Variants in PTPRQ observed in about 807,000 individuals in gnomAD.
The protein encoded by PTPRQ is protein tyrosine phosphatase receptor type Q.
PTPRQ carries 199 observed loss-of-function variants against 246.0 expected under a neutral mutation model. The observed-to-expected ratio is 0.81, with a 90% CI of 0.72 to 0.91. The LOEUF is 0.91. Ranked by LOEUF, PTPRQ falls within the 40% of genes least tolerant of loss-of-function variation. The pLI, the probability that PTPRQ is intolerant of heterozygous loss-of-function variation, is 0.00. For synonymous variants in PTPRQ, 869 were observed against 853.2 expected (o/e 1.02, Z -0.32); for missense variants, 2,624 against 2,528.4 (o/e 1.04, Z -0.81).
chr12:80,616,096 A>C lies in PTPRQ; in HGVS notation c.5164-104A>C, dbSNP rs35026481. 9 of 567,198 alleles carry C rather than the reference A, an allele frequency of 1.6e-5. No homozygotes were observed. In the African/African-American group the frequency reaches 1.9e-4, roughly 12 times the overall value. The allele number at this position is 567,198 out of a possible 1,614,324, so 35.1% of individuals were successfully genotyped here. A position where few individuals can be genotyped will look rare whatever the true frequency, so the allele number is the denominator to read the frequency against. On this transcript the variant is annotated intron_variant, in intron 29 of 44. Transcript: ENST00000644991. ...AATCAGTTTTATATATATATATATA[A>C]CTATATATATACATACATATATAGA...
At chr12:80,501,510 G>T (rs1173661489) in intron 14 of PTPRQ, among the ~76,000 whole-genome samples, 1 of 151,872 alleles carries the variant, frequency 6.6e-6, no homozygotes, top group East Asian at 1.9e-4. Context: ...TAAGTTTAAA[G>T]CTCAGGGAAA....
At chr12:80,668,447 T>C (rs1412664283) in intron 39 of PTPRQ, among the ~76,000 whole-genome samples, 1 of 151,880 alleles carries the variant, frequency 6.6e-6, no homozygotes, top group Non-Finnish European at 1.5e-5. Flanking sequence ...AATGCCACAG[T>C]TTAAGTAGAT....
chr12:80,477,879 A>G (rs1016482223), intron 8 of PTPRQ, among the ~76,000 whole-genome samples: 1 of 152,146 alleles, frequency 6.6e-6, no homozygotes, highest in African/African-American at 2.4e-5. Context: ...GGAGGGTCCT[A>G]CGCCCACGGA....
chr12:80,454,560 A>T, intron 3 of PTPRQ: 1 of 702,490 alleles, frequency 1.4e-6, no homozygotes, highest in South Asian at 1.5e-5. Context: ...CTTAGGGATA[A>T]TCCTTTAAAC....
In PTPRQ at chr12:80,546,730, T is replaced by C. The variant is rs1289740253; in HGVS notation, c.4015+33T>C. 5 of 1,539,814 alleles carry C rather than the reference T, an allele frequency of 3.2e-6. No individual in the cohort carries two copies. In the Admixed American group the frequency reaches 6.2e-5, roughly 19 times the overall value. ...ACAGTTTTTGAGCCTAAAATGTTTC[T>C]TTTTATATTTAACACCTTTCTTTTC... is the stretch of plus-strand genomic sequence containing the variant. On this transcript the variant is annotated intron_variant, in intron 24 of 44. Coordinates refer to ENST00000644991, the MANE Select transcript of PTPRQ (RefSeq NM_001145026.2).
intron 38 of PTPRQ, 30 bp from the exon 39 acceptor site, chr12:80,657,955 T>G: frequency 7.4e-7 from 1 of 1,355,562 alleles, no homozygotes; most frequent in Non-Finnish European, 9.7e-7. Flanking sequence ...AAAAAGCCAA[T>G]TAACATTGAT....
chr12:80,468,712 C>A lies in PTPRQ; in HGVS notation c.913C>A (p.Pro305Thr), dbSNP rs1301439885. ...STIVRTPESVPEGPPQNCVTG... is the reference protein window; with the variant it reads ...STIVRTPESVTEGPPQNCVTG... ...TTTATTTTCTATAATTATTTTAGTG[C>A]CTGAAGGACCACCACAAAACTGCGT... Residue 305 changes from proline to threonine, a missense_variant and splice_region_variant, in exon 7 of 45, where the codon CCT (proline) becomes ACT (threonine). Pro to Thr is a conservative substitution (Grantham distance 38, BLOSUM62 -1). Transcript: ENST00000644991. 7 of 1,533,470 alleles carry A rather than the reference C, an allele frequency of 4.6e-6. No homozygotes were observed. The highest frequency in any genetic ancestry group is 1.3e-5 in the South Asian group (1 of 78,494). The allele number at this position is 1,533,470 out of a possible 1,614,324, so 95.0% of individuals were successfully genotyped here. A position where few individuals can be genotyped will look rare whatever the true frequency, so the allele number is the denominator to read the frequency against.
At chr12:80,585,696 C>G in intron 25 of PTPRQ, among the ~76,000 whole-genome samples, 1 of 152,114 alleles carries the variant, frequency 6.6e-6, no homozygotes, top group African/African-American at 2.4e-5. Flanking sequence ...TGGCTAGGTC[C>G]CCTACCTACA....
chr12:80,633,405 C>T (rs1006016862), intron 34 of PTPRQ, among the ~76,000 whole-genome samples: 1 of 152,168 alleles, frequency 6.6e-6, no homozygotes, highest in South Asian at 2.1e-4. Context: ...TCTTTCCATT[C>T]TCAGCATCAG....
chr12:80,612,625 A>G (rs1245247103), intron 28 of PTPRQ, among the ~76,000 whole-genome samples: 3 of 150,498 alleles, frequency 2.0e-5, no homozygotes, highest in Non-Finnish European at 4.5e-5. Flanking sequence ...ATAATTTTGC[A>G]GCCACTTATA....
chr12:80,493,239 G>T, intron 9 of PTPRQ, 36 bp from the exon 10 acceptor site: 4 of 1,395,840 alleles, frequency 2.9e-6, no homozygotes, highest in Non-Finnish European at 3.7e-6. Context: ...AAGTGTAACT[G>T]TCACAGTCTT....
intron 23 of PTPRQ, among the ~76,000 whole-genome samples, 159 bp from the exon 24 acceptor site, chr12:80,546,397 C>T (rs1289104380): frequency 3.9e-5 from 6 of 152,018 alleles, no homozygotes; most frequent in African/African-American, 1.4e-4. Flanking sequence ...CACTCTATGG[C>T]ACAAAATAAA....
At chr12:80,472,062 G>A (rs1483530640) in intron 7 of PTPRQ, 43 bp from the exon 8 acceptor site, 13 of 1,549,068 alleles carry the variant, frequency 8.4e-6, no homozygotes, top group Middle Eastern at 1.7e-4. Flanking sequence ...ATGATTGCAC[G>A]CTTGATAAAA....
intron 15 of PTPRQ, 133 bp downstream of exon 15, chr12:80,506,339 C>A: frequency 1.9e-6 from 2 of 1,044,816 alleles, no homozygotes; most frequent in Non-Finnish European, 2.7e-6. Context: ...GTTAAATAAG[C>A]TAGGAGTTTA....
intron 35 of PTPRQ, among the ~76,000 whole-genome samples, chr12:80,639,215 T>C (rs988328112): frequency 6.6e-6 from 1 of 152,204 alleles, no homozygotes; most frequent in African/African-American, 2.4e-5. Flanking sequence ...CCCAACAGAA[T>C]TTTCGTAAGC....
chr12:80,622,813 G>A (rs368570772), intron 33 of PTPRQ, among the ~76,000 whole-genome samples: 53 of 151,930 alleles, frequency 3.5e-4, no homozygotes, highest in African/African-American at 1.2e-3. Context: ...TATCATCCTT[G>A]AGGGGTTGTT....
Position 80,595,471 on chromosome 12 carries a change from C to T in PTPRQ, c.4609+7019C>T, listed in dbSNP as rs867036268. The stretch of plus-strand genomic sequence containing the variant: ...TGGTCTAATGCTTGTCTTTCAAATG[C>T]TTGCATTGTTATTGCCAAAATTAAA... On this transcript the variant is annotated intron_variant, in intron 26 of 44. Transcript: ENST00000644991. Among the ~76,000 whole-genome samples the T allele has an allele frequency of 1.7e-4, 26 of 152,066 alleles. No individual in the cohort carries two copies. The Middle Eastern group carries it at 0.01, about 60-fold the overall frequency.
chr12:80,481,511 G>T (rs1403916858), intron 8 of PTPRQ, among the ~76,000 whole-genome samples: 2 of 152,094 alleles, frequency 1.3e-5, no homozygotes, highest in East Asian at 3.9e-4. Context: ...CATAGTGTTG[G>T]AAGTTCTGCC....
At chr12:80,616,595 T>G (rs1898771875) in intron 30 of PTPRQ, among the ~76,000 whole-genome samples, 1 of 151,232 alleles carries the variant, frequency 6.6e-6, no homozygotes. Flanking sequence ...GTGTTTAAAT[T>G]GCCTATCATT....
Sources: allele counts gnomAD v4.1 joint callset (sites outside exome capture counted in the v4.1 genomes callset), GRCh38; gene constraint gnomAD v4.1.1; transcripts MANE v1.5; gene names NCBI Gene and HGNC (gene_info 2026-07-23, HGNC 2026-07-21).